Variants in NAALADL2 observed in about 807,000 individuals in gnomAD.
The protein encoded by NAALADL2 is N-acetylated alpha-linked acidic dipeptidase like 2, also known as inactive N-acetylated-alpha-linked acidic dipeptidase-like protein 2.
Under a neutral mutation model 87.2 loss-of-function variants are expected in NAALADL2, and 76 were observed. The observed-to-expected ratio is 0.87, with a 90% confidence interval of 0.72 to 1.05. The LOEUF is 1.05. Ranked by LOEUF, NAALADL2 falls within the 50% of genes least tolerant of loss-of-function variation. NAALADL2 has a pLI of 0.00. For synonymous variants in NAALADL2, 354 were observed against 331.0 expected (o/e 1.07, Z -0.75); for missense variants, 1,089 against 945.8 (o/e 1.15, Z -1.99).
intron 1 of NAALADL2, among the ~76,000 whole-genome samples, chr3:175,089,696 C>G (rs1719720247): frequency 6.6e-6 from 1 of 152,126 alleles, no homozygotes; most frequent in South Asian, 2.1e-4. Context: ...ATAGATTTCT[C>G]TGACTAGATA....
intron 9 of NAALADL2, among the ~76,000 whole-genome samples, chr3:175,553,215 A>C (rs1217994861): frequency 6.6e-6 from 1 of 152,192 alleles, no homozygotes. Context: ...TTGTTGAATA[A>C]ATATGCCTAA....
intron 3 of NAALADL2, among the ~76,000 whole-genome samples, chr3:174,815,830 G>GTTTTTTT (rs10589968): frequency 9.5e-5 from 11 of 115,196 alleles, no homozygotes; most frequent in Non-Finnish European, 1.3e-4. Flanking sequence ...TTTGACTTTA[G>GTTTTTTT]TTTTTTTTTT....
intron 2 of NAALADL2, among the ~76,000 whole-genome samples, chr3:175,221,725 A>C (rs574327698): frequency 6.6e-6 from 1 of 151,664 alleles, no homozygotes; most frequent in South Asian, 2.1e-4. Flanking sequence ...GGTTATTTTT[A>C]TTTCTTTATT....
intron 4 of NAALADL2, among the ~76,000 whole-genome samples, chr3:175,276,001 G>A (rs1397698892): frequency 4.6e-5 from 7 of 150,956 alleles, no homozygotes; most frequent in African/African-American, 1.7e-4. Context: ...TTTTTCTTCA[G>A]TCATAAACAA....
At position 175,097,305 on chromosome 3, in the gene NAALADL2, A is replaced by G; in HGVS notation, c.545+14A>G. The G allele has an allele frequency of 6.3e-7, 1 of 1,594,864 alleles. No individual in the cohort carries two copies. Among genetic ancestry groups the G allele is most frequent in the South Asian group, 1.1e-5 (1 of 87,904 alleles). On this transcript the variant is annotated intron_variant, in intron 2 of 13. Coordinates refer to ENST00000454872, the MANE Select transcript of NAALADL2 (RefSeq NM_207015.3). The stretch of plus-strand genomic sequence containing the variant: ...GAAGTCTTTCAGGTAGGTGAAGAAG[A>G]AACAGATGTTGTTTGAATGCATTTC...
At chr3:175,279,787 A>T (rs4488840) in intron 4 of NAALADL2, among the ~76,000 whole-genome samples, 50 of 125,614 alleles carry the variant, frequency 4.0e-4, no homozygotes, top group African/African-American at 8.7e-4. Flanking sequence ...ATAGTGTGTG[A>T]GTGTGTGTGT....
At chr3:175,226,592 A>G (rs1047783142) in intron 2 of NAALADL2, among the ~76,000 whole-genome samples, 2 of 152,110 alleles carry the variant, frequency 1.3e-5, no homozygotes, top group African/African-American at 4.8e-5. Context: ...CTAGCCTTCA[A>G]TTTCCTTATC....
At chr3:174,686,925 G>A (rs1728098283) in intron 2 of NAALADL2, among the ~76,000 whole-genome samples, 1 of 152,058 alleles carries the variant, frequency 6.6e-6, no homozygotes, top group African/African-American at 2.4e-5. Flanking sequence ...AAAAGCAATT[G>A]CAACAAAACC....
intron 2 of NAALADL2, among the ~76,000 whole-genome samples, chr3:175,223,025 A>G (rs1743609400): frequency 6.6e-6 from 1 of 152,044 alleles, no homozygotes; most frequent in South Asian, 2.1e-4. Flanking sequence ...TAATGATTTC[A>G]TATATGTAGA....
chr3:174,937,616 TA>T (rs1417050260), intron 1 of NAALADL2, among the ~76,000 whole-genome samples: 3 of 151,860 alleles, frequency 2.0e-5, no homozygotes, highest in Non-Finnish European at 2.9e-5. Context: ...ATAAAGAGCC[TA>T]AAAAAAATTG....
intron 2 of NAALADL2, among the ~76,000 whole-genome samples, chr3:174,658,213 C>G (rs1474654721): frequency 1.3e-5 from 2 of 152,174 alleles, no homozygotes; most frequent in Non-Finnish European, 2.9e-5. Context: ...TCCCAAGTGG[C>G]TGTACCATTT....
chr3:175,741,792 A>G (rs907469047), intron 12 of NAALADL2, among the ~76,000 whole-genome samples: 2 of 152,214 alleles, frequency 1.3e-5, no homozygotes, highest in Admixed American at 6.5e-5. Context: ...TGAGACACCT[A>G]TAACAAAAGA....
chr3:174,485,969 A>T (rs1717832952), intron 1 of NAALADL2, among the ~76,000 whole-genome samples: 3 of 152,002 alleles, frequency 2.0e-5, no homozygotes, highest in Non-Finnish European at 4.4e-5. Context: ...CAATTATCCC[A>T]GCACCATTTA....
At chr3:175,141,408 A>G (rs544734382) in intron 2 of NAALADL2, among the ~76,000 whole-genome samples, 3 of 152,196 alleles carry the variant, frequency 2.0e-5, no homozygotes, top group African/African-American at 7.2e-5. Context: ...CAAGAGATAA[A>G]TTCAAGTCAT....
rs1436794450 is a variant in NAALADL2, at chr3:175,152,939, A to C, written c.545+55648A>C. On this transcript the variant is annotated intron_variant, in intron 2 of 13. Coordinates refer to ENST00000454872, the MANE Select transcript of NAALADL2 (RefSeq NM_207015.3). ...AGAAAAAAAAATTCTAATGTATCTAAATATGTTCCCAATAGAAGGTACCCA... is the reference window on the plus strand; with the variant it reads ...AGAAAAAAAAATTCTAATGTATCTACATATGTTCCCAATAGAAGGTACCCA... Among the ~76,000 whole-genome samples the C allele has an allele frequency of 2.6e-5, 4 of 152,036 alleles. No homozygotes were observed. In the East Asian group the frequency reaches 7.7e-4, roughly 29 times the overall value.
chr3:175,710,076 G>A (rs1162166659), intron 11 of NAALADL2, among the ~76,000 whole-genome samples: 1 of 151,984 alleles, frequency 6.6e-6, no homozygotes. Flanking sequence ...TGTTCCAGTA[G>A]TGATAGAAAA....
chr3:174,851,570 T>A (rs1378696983), intron 3 of NAALADL2, among the ~76,000 whole-genome samples: 1 of 151,990 alleles, frequency 6.6e-6, no homozygotes, highest in Non-Finnish European at 1.5e-5. Context: ...GAACTATGAA[T>A]AACTTTATAT....
intron 10 of NAALADL2, among the ~76,000 whole-genome samples, chr3:175,611,240 AAAT>A (rs976975549): frequency 2.6e-5 from 4 of 152,118 alleles, no homozygotes; most frequent in Non-Finnish European, 4.4e-5. Context: ...TTACAAAGGC[AAAT>A]AATAATTTCA....
At chr3:175,564,440 G>A (rs1716787138) in intron 9 of NAALADL2, among the ~76,000 whole-genome samples, 2 of 152,064 alleles carry the variant, frequency 1.3e-5, no homozygotes, top group South Asian at 4.1e-4. Context: ...ATATGGATTT[G>A]AAAACCAGTT....
Sources: gnomAD v4.1 joint callset for allele counts (sites outside exome capture counted in the v4.1 genomes callset) on GRCh38, gnomAD v4.1.1 for gene constraint, MANE v1.5 for transcripts, NCBI Gene and HGNC (gene_info 2026-07-23, HGNC 2026-07-21) for gene names.